DGKZ: variants seen among roughly 807,000 people sequenced by gnomAD.
DGKZ encodes DAG kinase zeta.
In DGKZ, 45 loss-of-function variants were observed where a neutral mutation model predicts 142.5. The ratio of observed to expected loss-of-function variants is 0.32; its 90% CI spans 0.25 to 0.40. DGKZ has a LOEUF of 0.40. DGKZ is among the 10% of genes least tolerant of loss of function. The probability of loss-of-function intolerance (pLI) is 1.00; values close to 1 mark genes in which losing one functional copy is unlikely to be tolerated. For synonymous variants in DGKZ, 442 were observed against 527.0 expected (o/e 0.84, Z 2.21); for missense variants, 755 against 1,306.5 (o/e 0.58, Z 6.51).
intron 1 of DGKZ, among the ~76,000 whole-genome samples, chr11:46,356,010 T>C (rs1941981131): frequency 6.6e-6 from 1 of 152,014 alleles, no homozygotes; most frequent in African/African-American, 2.4e-5. Context: ...CCTCCCAAAG[T>C]GCTGGGATTA....
At chr11:46,355,381 T>A (rs1941891079) in intron 1 of DGKZ, among the ~76,000 whole-genome samples, 1 of 152,212 alleles carries the variant, frequency 6.6e-6, no homozygotes, top group African/African-American at 2.4e-5. Flanking sequence ...GTGCTGGGAT[T>A]ACAGGCATGA....
intron 1 of DGKZ, among the ~76,000 whole-genome samples, chr11:46,354,600 G>A (rs1433234243): frequency 1.7e-4 from 26 of 152,204 alleles, no homozygotes; most frequent in Admixed American, 1.7e-3. Context: ...GCCTAGCTTG[G>A]TTGGAGCTTA....
At chr11:46,334,491 G>A (rs189005900) in intron 1 of DGKZ, among the ~76,000 whole-genome samples, 8 of 152,340 alleles carry the variant, frequency 5.3e-5, no homozygotes, top group South Asian at 2.1e-4. Context: ...CTGGGAAGAC[G>A]TTTCATAAAA....
chr11:46,358,506 C>G (rs865829382), intron 1 of DGKZ, among the ~76,000 whole-genome samples: 76 of 152,206 alleles, frequency 5.0e-4, no homozygotes, highest in African/African-American at 1.8e-3. Flanking sequence ...AAGTGCATGA[C>G]ATGAGCTTGT....
chr11:46,377,499 C>T, intron 25 of DGKZ: 1 of 472,636 alleles, frequency 2.1e-6, no homozygotes, highest in Non-Finnish European at 3.7e-6. Flanking sequence ...ACCCCTACTG[C>T]CACCAGCCCT....
At chr11:46,365,305 G>A in intron 1 of DGKZ, 1 of 985,422 alleles carries the variant, frequency 1.0e-6, no homozygotes, top group South Asian at 4.7e-5. Context: ...CAGGAGCAGA[G>A]TCAGAAGGGT....
chr11:46,333,295 G>T (rs1300655257), exon 1 of DGKZ: 2 of 1,268,468 alleles, frequency 1.6e-6, no homozygotes, highest in Admixed American at 4.2e-5. Flanking sequence ...GGGCAGGGCG[G>T]CGGAGGGCAG....
chr11:46,370,080 G>T, intron 6 of DGKZ, 71 bp downstream of exon 6: 1 of 1,591,766 alleles, frequency 6.3e-7, no homozygotes, highest in Non-Finnish European at 8.6e-7. Flanking sequence ...TGGCCGGTGT[G>T]GCCTGCCGAT....
intron 4 of DGKZ, 67 bp downstream of exon 4, chr11:46,368,146 C>A: frequency 6.6e-7 from 1 of 1,522,594 alleles, no homozygotes. Flanking sequence ...AGCGCGCACT[C>A]ACACCCACAT....
intron 19 of DGKZ, 21 bp downstream of exon 19, chr11:46,375,066 T>C (rs1416560920): frequency 5.1e-6 from 8 of 1,562,922 alleles, no homozygotes; most frequent in Non-Finnish European, 6.9e-6. Flanking sequence ...CCTGGGCCCA[T>C]GGTGCCTGGG....
At position 46,341,493 on chromosome 11, in the gene DGKZ, A is replaced by G. The variant is rs77130567; in HGVS notation, c.212+8006A>G. On this transcript the variant is annotated intron_variant, in intron 1 of 30. Transcript: ENST00000343674. ...TATGAAATATTTGTCGTACAAATGA[A>G]TGAAGGAATGAATGACCAAAAACTT... Among the ~76,000 whole-genome samples, 995 of 152,362 alleles carry G rather than the reference A, an allele frequency of 6.5e-3. 15 individuals are homozygous for G. The highest frequency in any genetic ancestry group is 0.023 in the African/African-American group (950 of 41,576).
upstream of DGKZ, among the ~76,000 whole-genome samples, chr11:46,346,618 C>G (rs1369891518): frequency 6.6e-6 from 1 of 152,108 alleles, no homozygotes; most frequent in Non-Finnish European, 1.5e-5. Flanking sequence ...AACCATTGTC[C>G]TGGGAGTATT....
intron 1 of DGKZ, among the ~76,000 whole-genome samples, chr11:46,359,516 A>G (rs1053532874): frequency 6.6e-6 from 1 of 152,240 alleles, no homozygotes; most frequent in Non-Finnish European, 1.5e-5. Flanking sequence ...GTATTTTCCA[A>G]TGACTGGTGC....
intron 1 of DGKZ, among the ~76,000 whole-genome samples, chr11:46,353,599 C>T (rs960357427): frequency 5.3e-5 from 8 of 152,168 alleles, no homozygotes; most frequent in African/African-American, 1.4e-4. Context: ...GCTTTAAGGG[C>T]GCAGGGAGTC....
At chr11:46,379,866 G>A in exon 31 of DGKZ, 1 of 1,610,804 alleles carries the variant, frequency 6.2e-7, no homozygotes. Flanking sequence ...AGAAGGCTCA[G>A]GACACCGAGC....
rs185310252 is a variant in DGKZ, at chr11:46,378,549, C to T, written c.2418+49C>T. 3,186 of 1,612,576 alleles carry T rather than the reference C, an allele frequency of 2.0e-3. 7 individuals carry two copies. The highest frequency in any genetic ancestry group is 2.3e-3 in the Non-Finnish European group (2,734 of 1,179,736). On this transcript the variant is annotated intron_variant, in intron 27 of 30. Coordinates refer to ENST00000527911, the Ensembl canonical transcript of DGKZ. ...CTTCCCCCAGCAGCTCCCTCGGGCC[C>T]TGGGGAGCGAGGCCTCTGGGTTGGG...
intron 1 of DGKZ, among the ~76,000 whole-genome samples, chr11:46,357,498 G>A (rs1012117262): frequency 7.2e-5 from 11 of 152,232 alleles, no homozygotes; most frequent in Admixed American, 2.6e-4. Flanking sequence ...TGGAGCCTGT[G>A]GTCAGCCGTT....
chr11:46,379,553 GA>G lies in DGKZ; in HGVS notation c.2675del (p.Lys892ArgfsTer33), dbSNP rs1358714603. On this transcript the variant is annotated frameshift_variant, in exon 30 of 31. Coordinates refer to ENST00000527911, the Ensembl canonical transcript of DGKZ. LOFTEE classifies it high-confidence loss of function. ...TCGTGGAGGCCGGGGCCTCGCTCATGAAGACAGACCAGCAGGTGAGCAGACG... is the reference window on the plus strand; with the variant it reads ...TCGTGGAGGCCGGGGCCTCGCTCATGAGACAGACCAGCAGGTGAGCAGACG... The G allele has an allele frequency of 6.2e-7, 1 of 1,610,016 alleles. No individual in the cohort carries two copies. Among genetic ancestry groups the G allele is most frequent in the Admixed American group, 1.7e-5 (1 of 59,614 alleles).
chr11:46,335,207 G>A lies in DGKZ; in HGVS notation c.212+1720G>A, dbSNP rs182697085. Among the ~76,000 whole-genome samples, 510 of 152,030 alleles carry A rather than the reference G, an allele frequency of 3.4e-3. 1 individual carries two copies. The highest frequency in any genetic ancestry group is 0.012 in the African/African-American group (491 of 41,468). On this transcript the variant is annotated intron_variant, in intron 1 of 30. Transcript: ENST00000343674. ...CAGGCACCTGTAATCCCAGCTACTC[G>A]GAAGCCTGAGACAGGAGAATCACTT...
Sources: gnomAD v4.1 joint callset for allele counts (sites outside exome capture counted in the v4.1 genomes callset) on GRCh38, gnomAD v4.1.1 for gene constraint, MANE v1.5 for transcripts, NCBI Gene and HGNC (gene_info 2026-07-23, HGNC 2026-07-21) for gene names.